AGPAT3: variants seen among roughly 807,000 people sequenced by gnomAD.
The protein encoded by AGPAT3 is 1-acyl-sn-glycerol-3-phosphate acyltransferase gamma.
Under a neutral mutation model 47.3 loss-of-function variants are expected in AGPAT3, and 5 were observed. The observed-to-expected ratio is 0.11, with a 90% confidence interval of 0.06 to 0.22. The LOEUF (loss-of-function observed/expected upper bound fraction) is 0.22. AGPAT3 is among the 10% of genes least tolerant of loss of function. AGPAT3 has a pLI of 1.00. For synonymous variants in AGPAT3, 212 were observed against 208.3 expected (o/e 1.02, Z -0.15); for missense variants, 315 against 493.0 (o/e 0.64, Z 3.42).
chr21:43,885,641 C>T (rs2085958884), intron 1 of AGPAT3, among the ~76,000 whole-genome samples: 1 of 152,178 alleles, frequency 6.6e-6, no homozygotes, highest in African/African-American at 2.4e-5. Flanking sequence ...GCCTTGGCCT[C>T]CCAAAGTACA....
chr21:43,905,239 G>T (rs1355794629), intron 2 of AGPAT3, among the ~76,000 whole-genome samples: 5 of 151,540 alleles, frequency 3.3e-5, no homozygotes, highest in Admixed American at 1.3e-4. Flanking sequence ...GCCCGGGCTG[G>T]AGTGCAGTAG....
intron 8 of AGPAT3, among the ~76,000 whole-genome samples, chr21:43,979,236 G>T (rs1274364475): frequency 6.9e-6 from 1 of 143,906 alleles, no homozygotes; most frequent in Non-Finnish European, 1.5e-5. Context: ...GGAGGTGGGG[G>T]TTGCAGGAGC....
At chr21:43,936,351 A>G (rs979940776) in intron 2 of AGPAT3, among the ~76,000 whole-genome samples, 5 of 152,126 alleles carry the variant, frequency 3.3e-5, no homozygotes, top group African/African-American at 1.2e-4. Flanking sequence ...GGGGCTGTGG[A>G]CTTTTCTGTG....
At chr21:43,980,582 G>A (rs1055990863) in intron 8 of AGPAT3, among the ~76,000 whole-genome samples, 2 of 152,360 alleles carry the variant, frequency 1.3e-5, no homozygotes, top group Admixed American at 6.5e-5. Flanking sequence ...CTGAGAGTGC[G>A]CTTTGCAGGG....
intron 7 of AGPAT3, among the ~76,000 whole-genome samples, chr21:43,974,362 A>G (rs957150937): frequency 6.6e-6 from 1 of 150,818 alleles, no homozygotes; most frequent in Admixed American, 6.6e-5. Flanking sequence ...ACATATGTGT[A>G]TGGTGTGTGT....
chr21:43,971,623 C>A, intron 7 of AGPAT3, 133 bp downstream of exon 7: 1 of 782,174 alleles, frequency 1.3e-6, no homozygotes. Flanking sequence ...ACACGGAAGG[C>A]CTGTCTGCAG....
At chr21:43,949,638 G>T (rs145861312) in intron 2 of AGPAT3, among the ~76,000 whole-genome samples, 76 of 152,350 alleles carry the variant, frequency 5.0e-4, no homozygotes, top group African/African-American at 1.7e-3. Flanking sequence ...GTTACTAAGG[G>T]CATGTGTTCA....
chr21:43,940,305 G>A (rs575123718), intron 2 of AGPAT3, among the ~76,000 whole-genome samples: 4 of 152,370 alleles, frequency 2.6e-5, no homozygotes, highest in South Asian at 2.1e-4. Context: ...CCCTGCTGGC[G>A]GTGGCTTTGG....
At chr21:43,956,111 T>C (rs2088448925) in intron 2 of AGPAT3, among the ~76,000 whole-genome samples, 1 of 152,138 alleles carries the variant, frequency 6.6e-6, no homozygotes. Flanking sequence ...GGCTCTGCTG[T>C]GTGCCAGGTG....
intron 1 of AGPAT3, among the ~76,000 whole-genome samples, chr21:43,888,786 C>G (rs989456034): frequency 6.6e-6 from 1 of 152,130 alleles, no homozygotes; most frequent in Non-Finnish European, 1.5e-5. Context: ...GTCAGGAGTT[C>G]GAAACCAGCT....
intron 1 of AGPAT3, among the ~76,000 whole-genome samples, chr21:43,875,140 C>G (rs1461791305): frequency 1.3e-5 from 2 of 152,248 alleles, no homozygotes; most frequent in African/African-American, 4.8e-5. Flanking sequence ...ACCACCACGC[C>G]TGGGGTAATT....
Position 43,985,932 on chromosome 21 carries a change from ACGTCCCCGGC to A in AGPAT3, c.*3544_*3553del, listed in dbSNP as rs2030242986. 1 of 152,574 alleles carries A rather than the reference ACGTCCCCGGC, an allele frequency of 6.6e-6. No homozygotes were observed. The highest frequency in any genetic ancestry group is 6.5e-5 in the Admixed American group (1 of 15,304). 9.5% of individuals were successfully genotyped at this position (152,574 alleles called of 1,614,324 possible). On this transcript the variant is annotated 3_prime_UTR_variant, in exon 10 of 10. Coordinates refer to ENST00000291572, the MANE Select transcript of AGPAT3 (RefSeq NM_020132.5). The stretch of plus-strand genomic sequence containing the variant: ...TGCCTGCCTTCTTTCTGGAAACAGC[ACGTCCCCGGC>A]CGTGTGCCTGCCCCTTTCTCTACTG...
chr21:43,910,912 T>A (rs2086618029), intron 2 of AGPAT3, among the ~76,000 whole-genome samples: 1 of 152,212 alleles, frequency 6.6e-6, no homozygotes, highest in Admixed American at 6.5e-5. Flanking sequence ...ATATTTATGT[T>A]TTCATTATAA....
At chr21:43,950,972 A>T (rs1555908477) in intron 2 of AGPAT3, 1 of 152,206 alleles carries the variant, frequency 6.6e-6, no homozygotes, top group Non-Finnish European at 1.5e-5. Context: ...TGAATAGTAA[A>T]CGTTGCCACC....
intron 2 of AGPAT3, among the ~76,000 whole-genome samples, chr21:43,916,708 C>T (rs571312657): frequency 1.6e-4 from 25 of 152,116 alleles, no homozygotes; most frequent in African/African-American, 5.5e-4. Flanking sequence ...CTTTTTGTAT[C>T]GGTAGATATG....
At chr21:43,896,445 T>G (rs2086219760) in intron 1 of AGPAT3, among the ~76,000 whole-genome samples, 1 of 152,118 alleles carries the variant, frequency 6.6e-6, no homozygotes, top group East Asian at 1.9e-4. Flanking sequence ...TGTAGATTGA[T>G]TGAATCAAGT....
rs1569116017 is a variant in AGPAT3, at chr21:43,984,962, CCCAGTCCTTGAG to C, written c.*2575_*2586del. The C allele has an allele frequency of 2.6e-6, 1 of 378,214 alleles. No individual in the cohort carries two copies. Among genetic ancestry groups the C allele is most frequent in the Admixed American group, 3.3e-5 (1 of 30,582 alleles). The allele number at this position is 378,214 out of a possible 1,614,324, so 23.4% of individuals were successfully genotyped here. ...CCTGGCATCGCTGATGCCCTCTGCA[CCCAGTCCTTGAG>C]CCAGGCCGAGGACAGGAAGGGCATT... On this transcript the variant is annotated 3_prime_UTR_variant, in exon 10 of 10. Coordinates refer to ENST00000291572, the MANE Select transcript of AGPAT3 (RefSeq NM_020132.5).
In AGPAT3 at chr21:43,970,209, T is replaced by C. The variant is rs908315334; in HGVS notation, c.511-444T>C. Among the ~76,000 whole-genome samples the C allele has an allele frequency of 2.0e-5, 3 of 152,104 alleles. No homozygotes were observed. The highest frequency in any genetic ancestry group is 7.2e-5 in the African/African-American group (3 of 41,412). On this transcript the variant is annotated intron_variant, in intron 5 of 9. Coordinates refer to ENST00000291572, the MANE Select transcript of AGPAT3 (RefSeq NM_020132.5). The surrounding 1 kb of genome is among the most constrained non-coding windows in gnomAD (Gnocchi z 5.8). ...TTTCAGTAGAGACGGGGTTTCACCATGTTGGCCAGGCTGGTCTTGAACTCC... is the reference window on the plus strand; with the variant it reads ...TTTCAGTAGAGACGGGGTTTCACCACGTTGGCCAGGCTGGTCTTGAACTCC...
chr21:43,897,497 G>C (rs1212886489), intron 1 of AGPAT3, among the ~76,000 whole-genome samples: 1 of 149,672 alleles, frequency 6.7e-6, no homozygotes, highest in Non-Finnish European at 1.5e-5. Context: ...CACACCTGCA[G>C]AAGGGTTCCC....
Sources: allele counts gnomAD v4.1 joint callset (sites outside exome capture counted in the v4.1 genomes callset), GRCh38; gene constraint gnomAD v4.1.1; non-coding constraint Gnocchi (gnomAD v3.1); transcripts MANE v1.5; gene names NCBI Gene and HGNC (gene_info 2026-07-23, HGNC 2026-07-21).